Variants in ANKRD45 observed in about 807,000 individuals in gnomAD.
ANKRD45 encodes ankyrin repeat domain 45.
A neutral mutation model predicts 28.1 loss-of-function variants in ANKRD45; 21 were observed. The observed-to-expected ratio is 0.75, with a 90% CI of 0.53 to 1.08. ANKRD45 has a LOEUF of 1.08. Among genes scored for constraint, ANKRD45 ranks in the 50% least tolerant of loss-of-function variants. ANKRD45 has a pLI of 0.00. For synonymous variants in ANKRD45, 86 were observed against 103.9 expected, an observed-to-expected ratio of 0.83 and a Z score of 1.05; for missense variants, 261 against 308.7, an observed-to-expected ratio of 0.85 and a Z score of 1.16.
the ANKRD45 span, among the ~76,000 whole-genome samples, chr1:173,688,665 CT>C: frequency 4.3e-5 from 6 of 138,662 alleles, no homozygotes; most frequent in African/African-American, 1.9e-4. Flanking sequence ...CTTTCTGCCT[CT>C]TTCCTCTCTC....
At chr1:173,711,009 G>GA in the ANKRD45 span, among the ~76,000 whole-genome samples, 4 of 150,006 alleles carry the variant, frequency 2.7e-5, no homozygotes, top group South Asian at 2.1e-4. Context: ...TACTTAAAAA[G>GA]AAAAAAAAAG....
intron 5 of ANKRD45, among the ~76,000 whole-genome samples, chr1:173,610,852 ATAAT>A (rs1212495477): frequency 1.3e-5 from 2 of 152,104 alleles, no homozygotes; most frequent in African/African-American, 4.8e-5. Context: ...AAAATAAAAA[ATAAT>A]TCAGGTCTTA....
rs1241282000 is a variant in ANKRD45 at position 173,624,907 on chromosome 1, A to C, written c.610T>G (p.Cys204Gly). 1 of 1,613,518 alleles carries C rather than the reference A, an allele frequency of 6.2e-7. No homozygotes were observed. The highest frequency in any genetic ancestry group is 8.5e-7 in the Non-Finnish European group (1 of 1,179,756). Residue 204 changes from cysteine to glycine, a missense_variant, in exon 5 of 6, where the codon TGC (cysteine) becomes GGC (glycine). By Grantham distance (159) the Cys-to-Gly change is radical (BLOSUM62 -3). Coordinates refer to ENST00000333279, the MANE Select transcript of ANKRD45 (RefSeq NM_198493.3). The part of the protein sequence containing the change: ...KEDKNTILSA[C>G]RAKNEWLETH... ...TCCAACCACTCATTTTTTGCACGGCATGCACTGAGGATGGTATTCTAGGGA... is the reference window on the plus strand; with the variant it reads ...TCCAACCACTCATTTTTTGCACGGCCTGCACTGAGGATGGTATTCTAGGGA...
the ANKRD45 span, among the ~76,000 whole-genome samples, chr1:173,694,753 C>A: frequency 4.4e-4 from 67 of 152,064 alleles, no homozygotes; most frequent in Non-Finnish European, 7.5e-4. Flanking sequence ...TCCATTATAC[C>A]ATTTTGTATG....
At chr1:173,672,536 A>C (rs1571797229), upstream of ANKRD45, among the ~76,000 whole-genome samples, 1 of 152,342 alleles carries the variant, frequency 6.6e-6, no homozygotes, top group East Asian at 1.9e-4. Flanking sequence ...TCTGAAGTGG[A>C]ATTAAACAAC....
intron 3 of ANKRD45, among the ~76,000 whole-genome samples, chr1:173,631,214 T>G (rs973606088): frequency 5.3e-5 from 8 of 151,970 alleles, no homozygotes; most frequent in African/African-American, 1.9e-4. Context: ...AAAAAAACTA[T>G]GAAAGAGACA....
the ANKRD45 span, among the ~76,000 whole-genome samples, chr1:173,683,855 C>G: frequency 6.6e-6 from 1 of 152,166 alleles, no homozygotes; most frequent in African/African-American, 2.4e-5. Context: ...AGACCAGGTA[C>G]TTCTATAGAA....
chr1:173,621,569 C>T lies in ANKRD45; in HGVS notation c.730+3218G>A, dbSNP rs562327121. 1.1e-4 allele frequency among the ~76,000 whole-genome samples: 17 copies of T among 152,116 alleles called. No individual in the cohort carries two copies. The South Asian group carries it at 3.3e-3, about 30-fold the overall frequency. On this transcript the variant is annotated intron_variant, in intron 5 of 5. Coordinates refer to ENST00000333279, the MANE Select transcript of ANKRD45 (RefSeq NM_198493.3). Reference sequence around the variant, plus strand: ...AAAGACAAAAACCACATGATTATCTCGATAGAGAAAGAAAAGGCCTTTGAT... The same window carrying T: ...AAAGACAAAAACCACATGATTATCTTGATAGAGAAAGAAAAGGCCTTTGAT...
intron 2 of ANKRD45, among the ~76,000 whole-genome samples, chr1:173,650,659 T>A (rs560369287): frequency 1.1e-4 from 16 of 152,306 alleles, no homozygotes; most frequent in African/African-American, 3.6e-4. Context: ...TAGTTCTAGA[T>A]CCTTGAGGAA....
At chr1:173,615,371 A>C (rs1667416948) in intron 5 of ANKRD45, among the ~76,000 whole-genome samples, 1 of 143,628 alleles carries the variant, frequency 7.0e-6, no homozygotes, top group African/African-American at 2.7e-5. Flanking sequence ...GCGACAGAGT[A>C]AGACTCCGTC....
intron 3 of ANKRD45, among the ~76,000 whole-genome samples, chr1:173,640,266 CTT>C (rs1304862496): frequency 1.3e-5 from 2 of 152,148 alleles, no homozygotes; most frequent in South Asian, 4.2e-4. Context: ...TCAAAGGTCT[CTT>C]AGCACAGGCC....
At chr1:173,630,673 T>G (rs981705728) in intron 3 of ANKRD45, among the ~76,000 whole-genome samples, 1 of 146,020 alleles carries the variant, frequency 6.8e-6, no homozygotes, top group African/African-American at 2.5e-5. Flanking sequence ...ATACAAAAAT[T>G]AGCTGGCGTC....
At chr1:173,636,949 G>A (rs1353405313) in intron 3 of ANKRD45, 9 of 1,535,608 alleles carry the variant, frequency 5.9e-6, no homozygotes, top group Non-Finnish European at 7.8e-6. Flanking sequence ...AGATCTGGGA[G>A]CACAGGTCTC....
At chr1:173,633,732 T>C (rs1210400231) in intron 3 of ANKRD45, among the ~76,000 whole-genome samples, 1 of 151,730 alleles carries the variant, frequency 6.6e-6, no homozygotes, top group Non-Finnish European at 1.5e-5. Context: ...AGAACATACA[T>C]TGGGGAAAGG....
chr1:173,628,814 C>T (rs1445473505), intron 3 of ANKRD45, among the ~76,000 whole-genome samples: 3 of 152,184 alleles, frequency 2.0e-5, no homozygotes, highest in African/African-American at 4.8e-5. Context: ...GTGGCCACCA[C>T]AGGCCTTGGG....
At chr1:173,693,342 CTATTT>C in the ANKRD45 span, among the ~76,000 whole-genome samples, 8 of 152,134 alleles carry the variant, frequency 5.3e-5, no homozygotes, top group Non-Finnish European at 1.2e-4. Context: ...TAGCACTATT[CTATTT>C]TGTTATGTTA....
intron 1 of ANKRD45, among the ~76,000 whole-genome samples, chr1:173,668,938 T>C (rs924027469): frequency 1.3e-5 from 2 of 152,212 alleles, no homozygotes; most frequent in African/African-American, 4.8e-5. Flanking sequence ...GTGACTTTTC[T>C]GAAATGAGGA....
At chr1:173,613,563 C>CCCCCCCCG (rs1667306906) in intron 5 of ANKRD45, among the ~76,000 whole-genome samples, 1 of 98,398 alleles carries the variant, frequency 1.0e-5, no homozygotes, top group African/African-American at 1.5e-4. Context: ...GGGGGGTCAG[C>CCCCCCCCG]CCCCCCCCCG....
chr1:173,713,815 A>G, the ANKRD45 span, among the ~76,000 whole-genome samples: 1 of 152,114 alleles, frequency 6.6e-6, no homozygotes, highest in East Asian at 1.9e-4. Flanking sequence ...AAAGAAACCT[A>G]GCCCCCAAAT....
Sources: gnomAD v4.1 joint callset for allele counts (sites outside exome capture counted in the v4.1 genomes callset) on GRCh38, gnomAD v4.1.1 for gene constraint, MANE v1.5 for transcripts, NCBI Gene and HGNC (gene_info 2026-07-23, HGNC 2026-07-21) for gene names.